The following SEMA3E variants were observed in gnomAD, a reference collection of about 807,000 sequenced individuals.
SEMA3E encodes the protein semaphorin-3E.
A neutral mutation model predicts 93.6 loss-of-function variants in SEMA3E; 49 were observed. The observed-to-expected ratio is 0.52, with a 90% CI of 0.42 to 0.66. The LOEUF (loss-of-function observed/expected upper bound fraction) is 0.66. Ranked by LOEUF, SEMA3E falls within the 30% of genes least tolerant of loss-of-function variation. SEMA3E has a pLI of 0.00. For missense variants in SEMA3E, 906 were observed against 964.8 expected, an observed-to-expected ratio of 0.94 and a Z score of 0.81; for synonymous variants, 363 against 330.7, an observed-to-expected ratio of 1.10 and a Z score of -1.06.
intron 1 of SEMA3E, among the ~76,000 whole-genome samples, chr7:83,512,908 T>C (rs1055805689): frequency 2.6e-5 from 4 of 152,212 alleles, no homozygotes; most frequent in African/African-American, 4.8e-5. Context: ...GAAAGCATTT[T>C]ACTCAGGTTT....
At chr7:83,402,609 A>AT (rs1788252379) in intron 10 of SEMA3E, 23 bp downstream of exon 10, 1 of 1,598,506 alleles carries the variant, frequency 6.3e-7, no homozygotes, top group African/African-American at 1.3e-5. Flanking sequence ...AATAAGAATT[A>AT]TTTGTTATAT....
At chr7:83,560,811 G>A (rs1792016483) in intron 1 of SEMA3E, among the ~76,000 whole-genome samples, 1 of 151,772 alleles carries the variant, frequency 6.6e-6, no homozygotes, top group African/African-American at 2.4e-5. Flanking sequence ...TCAGAAGATT[G>A]CTTTGAGTAT....
rs1031887702 is a variant in SEMA3E, at chr7:83,528,178, C to G, written c.116-37904G>C. Among the ~76,000 whole-genome samples the G allele has an allele frequency of 8.5e-5, 13 of 152,114 alleles. 1 individual carries two copies. Among genetic ancestry groups the G allele is most frequent in the South Asian group, 6.2e-4 (3 of 4,824 alleles). On this transcript the variant is annotated intron_variant, in intron 1 of 16. Transcript: ENST00000643230. ...TGAATATAAATAAAATTTAAAGTCT[C>G]TACATAATATACATTATAAAAACTA...
chr7:83,391,701 C>A (rs1343879735), intron 14 of SEMA3E, among the ~76,000 whole-genome samples: 1 of 151,738 alleles, frequency 6.6e-6, no homozygotes, highest in Non-Finnish European at 1.5e-5. Context: ...TATATTTGAA[C>A]CTATAAAACA....
chr7:83,482,316 C>T (rs530028412), intron 2 of SEMA3E, among the ~76,000 whole-genome samples: 27 of 152,124 alleles, frequency 1.8e-4, no homozygotes, highest in African/African-American at 3.4e-4. Context: ...TCTGTAATCC[C>T]GGCACTTTGG....
intron 1 of SEMA3E, among the ~76,000 whole-genome samples, chr7:83,528,745 G>C (rs1283829907): frequency 6.6e-6 from 1 of 151,884 alleles, no homozygotes; most frequent in Admixed American, 6.6e-5. Flanking sequence ...CATAATTAGG[G>C]TCTCAAATTT....
chr7:83,416,489 T>A (rs1425841669), intron 5 of SEMA3E, among the ~76,000 whole-genome samples: 1 of 152,104 alleles, frequency 6.6e-6, no homozygotes, highest in Admixed American at 6.6e-5. Flanking sequence ...ATAGAAATTA[T>A]TATTAACTCT....
chr7:83,378,750 A>G (rs1787711634), intron 16 of SEMA3E, among the ~76,000 whole-genome samples: 1 of 151,894 alleles, frequency 6.6e-6, no homozygotes, highest in African/African-American at 2.4e-5. Context: ...TTTAAGCCAT[A>G]CAGCTCTGGA....
At chr7:83,584,978 G>T (rs2191533) in intron 1 of SEMA3E, among the ~76,000 whole-genome samples, 1 of 151,940 alleles carries the variant, frequency 6.6e-6, no homozygotes, top group Non-Finnish European at 1.5e-5. Flanking sequence ...CTTACCGTGA[G>T]CAAGAGTCGA....
chr7:83,429,099 T>C (rs1338151762), intron 4 of SEMA3E, among the ~76,000 whole-genome samples: 1 of 152,146 alleles, frequency 6.6e-6, no homozygotes, highest in East Asian at 1.9e-4. Flanking sequence ...TAAGATTTTT[T>C]TCAAAAAAAT....
intron 12 of SEMA3E, among the ~76,000 whole-genome samples, chr7:83,395,559 G>A (rs1187125999): frequency 2.6e-5 from 4 of 152,124 alleles, no homozygotes; most frequent in Admixed American, 2.6e-4. Flanking sequence ...CACATTCCCA[G>A]CTGAGATGAA....
At chr7:83,440,801 CAAAA>C (rs55851135) in intron 4 of SEMA3E, among the ~76,000 whole-genome samples, 7 of 123,800 alleles carry the variant, frequency 5.7e-5, no homozygotes, top group Non-Finnish European at 5.1e-5. Flanking sequence ...GACTCCGTCT[CAAAA>C]AAAAAAAAAA....
At chr7:83,449,272 G>A (rs555853849) in intron 4 of SEMA3E, among the ~76,000 whole-genome samples, 4 of 151,652 alleles carry the variant, frequency 2.6e-5, no homozygotes, top group African/African-American at 9.7e-5. Flanking sequence ...GCTAACTTTT[G>A]TATTTTTGGT....
At chr7:83,516,784 C>T (rs1028129089) in intron 1 of SEMA3E, among the ~76,000 whole-genome samples, 31 of 152,044 alleles carry the variant, frequency 2.0e-4, no homozygotes, top group African/African-American at 7.0e-4. Flanking sequence ...TCCCCTGCTA[C>T]GTTATGTTTT....
intron 7 of SEMA3E, among the ~76,000 whole-genome samples, chr7:83,406,360 A>T (rs1788330518): frequency 6.6e-6 from 1 of 152,030 alleles, no homozygotes; most frequent in Non-Finnish European, 1.5e-5. Context: ...GGAGAGATAC[A>T]GTAATCATGA....
intron 1 of SEMA3E, among the ~76,000 whole-genome samples, chr7:83,647,160 A>G (rs984264511): frequency 2.6e-5 from 4 of 152,130 alleles, no homozygotes; most frequent in Non-Finnish European, 5.9e-5. Context: ...TTAAATTTAT[A>G]TTATCTACTG....
chr7:83,490,381 A>G lies in SEMA3E; in HGVS notation c.116-107T>C, dbSNP rs1790357620. 15 of 1,113,474 alleles carry G rather than the reference A, an allele frequency of 1.3e-5. No individual in the cohort carries two copies. The East Asian group carries it at 3.6e-4, about 26-fold the overall frequency. 69.0% of individuals were successfully genotyped at this position (1,113,474 alleles called of 1,614,324 possible). Reference sequence around the variant, plus strand: ...CATCCCTATTGGAACTGAGTCATTAACATTCATTTTATCATACATATACTG... The same window carrying G: ...CATCCCTATTGGAACTGAGTCATTAGCATTCATTTTATCATACATATACTG... On this transcript the variant is annotated intron_variant, in intron 1 of 16. Transcript: ENST00000643230.
intron 1 of SEMA3E, among the ~76,000 whole-genome samples, chr7:83,569,934 T>A (rs1431466467): frequency 1.3e-5 from 2 of 152,128 alleles, no homozygotes; most frequent in Admixed American, 1.3e-4. Context: ...TTCTCACCCA[T>A]ACATGGAACA....
At chr7:83,465,474 A>G (rs192160482) in intron 4 of SEMA3E, among the ~76,000 whole-genome samples, 1 of 152,230 alleles carries the variant, frequency 6.6e-6, no homozygotes, top group Non-Finnish European at 1.5e-5. Context: ...AAGCACTTCA[A>G]ATACTTCGAA....
Sources: gnomAD v4.1 joint callset for allele counts (sites outside exome capture counted in the v4.1 genomes callset) on GRCh38, gnomAD v4.1.1 for gene constraint, MANE v1.5 for transcripts, NCBI Gene and HGNC (gene_info 2026-07-23, HGNC 2026-07-21) for gene names.